PCDHA2: variants seen among roughly 807,000 people sequenced by gnomAD.
PCDHA2 encodes protocadherin alpha-2.
PCDHA2 carries 58 observed loss-of-function variants against 66.0 expected under a neutral mutation model. The ratio of observed to expected loss-of-function variants is 0.88; its 90% CI spans 0.71 to 1.09. The LOEUF is 1.09. Among genes scored for constraint, PCDHA2 ranks in the 50% least tolerant of loss-of-function variants. The pLI is 0.00. For synonymous variants in PCDHA2, 634 were observed against 554.0 expected, an observed-to-expected ratio of 1.14 and a Z score of -2.03; for missense variants, 1,267 against 1,242.3, an observed-to-expected ratio of 1.02 and a Z score of -0.30.
intron 1 of PCDHA2, among the ~76,000 whole-genome samples, chr5:140,905,327 TG>T (rs2071747762): frequency 6.6e-6 from 1 of 152,202 alleles, no homozygotes; most frequent in Non-Finnish European, 1.5e-5. Context: ...TATGCTTTGT[TG>T]AAGATCAGTT....
intron 1 of PCDHA2, among the ~76,000 whole-genome samples, chr5:140,920,232 A>C (rs1463016764): frequency 6.6e-6 from 1 of 152,232 alleles, no homozygotes; most frequent in African/African-American, 2.4e-5. Flanking sequence ...ATAGTATTAT[A>C]TACCCAACAA....
chr5:140,837,423 A>T (rs1278858635), intron 1 of PCDHA2, among the ~76,000 whole-genome samples: 3 of 151,962 alleles, frequency 2.0e-5, no homozygotes, highest in African/African-American at 7.3e-5. Flanking sequence ...TCAAAATTTC[A>T]AAGAGTGAAA....
intron 1 of PCDHA2, chr5:140,801,363 C>A: frequency 1.9e-6 from 3 of 1,613,452 alleles, no homozygotes; most frequent in Non-Finnish European, 2.5e-6. Flanking sequence ...GGGGCTGGAG[C>A]TGGCGGAGCT....
At chr5:140,823,941 C>A in intron 1 of PCDHA2, 1 of 1,613,924 alleles carries the variant, frequency 6.2e-7, no homozygotes, top group Non-Finnish European at 8.5e-7. Context: ...CGCTGCGGTG[C>A]TCGGCGCAGC....
chr5:140,996,678 G>T (rs922990686), intron 3 of PCDHA2, among the ~76,000 whole-genome samples: 28 of 152,162 alleles, frequency 1.8e-4, no homozygotes, highest in African/African-American at 6.7e-4. Context: ...AACCATGTTG[G>T]GCTAGTATTC....
intron 1 of PCDHA2, chr5:140,808,463 AC>A (rs782633052): frequency 1.2e-6 from 2 of 1,614,166 alleles, no homozygotes; most frequent in South Asian, 2.2e-5. Flanking sequence ...GCTGGTGGTG[AC>A]CGCGCGAGAC....
intron 1 of PCDHA2, chr5:140,829,202 C>T (rs2150163765): frequency 5.0e-6 from 8 of 1,614,106 alleles, no homozygotes; most frequent in Non-Finnish European, 3.4e-6. Context: ...TGTCATCGCC[C>T]TAATTAGCGT....
rs144041965 is a variant in PCDHA2, at chr5:140,808,651, G to A, written c.2388+11299G>A. 1.8e-5 allele frequency: 29 copies of A among 1,613,192 alleles called. 1 individual carries two copies. Among genetic ancestry groups the A allele is most frequent in the Middle Eastern group, 3.6e-4 (2 of 5,482 alleles). On this transcript the variant is annotated intron_variant, in intron 1 of 3. Coordinates refer to ENST00000526136, the MANE Select transcript of PCDHA2 (RefSeq NM_018905.3). ...GGGACGCGGACGCGCAGGAGAACGC[G>A]CTGGTGTCCTACTCGCTGGTAGAGC...
rs1320219732 is a variant in PCDHA2, at chr5:140,966,886, G to A, written c.2389-12063G>A. On this transcript the variant is annotated intron_variant, in intron 1 of 3. Coordinates refer to ENST00000526136, the MANE Select transcript of PCDHA2 (RefSeq NM_018905.3). Reference sequence around the variant, plus strand: ...TGCTGCTGCTGCTACCTGGCCCTGCGGCCTCCCAGCTGCGATACTCTGTGC... The same window carrying A: ...TGCTGCTGCTGCTACCTGGCCCTGCAGCCTCCCAGCTGCGATACTCTGTGC... The A allele has an allele frequency of 5.7e-6, 9 of 1,592,130 alleles. No individual in the cohort carries two copies. The Admixed American group carries it at 1.0e-4, about 18-fold the overall frequency.
intron 1 of PCDHA2, chr5:140,883,262 G>A (rs1211665444): frequency 6.2e-7 from 1 of 1,613,838 alleles, no homozygotes; most frequent in Non-Finnish European, 8.5e-7. Context: ...TCCAATGGCG[G>A]GTCATTGTAC....
At chr5:140,916,379 C>G (rs180755548) in intron 1 of PCDHA2, among the ~76,000 whole-genome samples, 2 of 152,302 alleles carry the variant, frequency 1.3e-5, no homozygotes, top group Admixed American at 6.5e-5. Context: ...GTAGCCACCA[C>G]AACTAGGAAT....
At chr5:141,006,993 T>A (rs1484865636) in intron 3 of PCDHA2, among the ~76,000 whole-genome samples, 5 of 152,290 alleles carry the variant, frequency 3.3e-5, no homozygotes, top group African/African-American at 4.8e-5. Flanking sequence ...GCTTAAAATA[T>A]AAGTCTGCAT....
At position 140,870,817 on chromosome 5, in the gene PCDHA2, G is replaced by C. The variant is rs782095168; in HGVS notation, c.2388+73465G>C. On this transcript the variant is annotated intron_variant, in intron 1 of 3. Coordinates refer to ENST00000526136, the MANE Select transcript of PCDHA2 (RefSeq NM_018905.3). ...ACTGCTGGCGACTCAGGCTGGCAGCGCGGGAGGCGCAGTTAACAAGCTAGT... is the reference window on the plus strand; with the variant it reads ...ACTGCTGGCGACTCAGGCTGGCAGCCCGGGAGGCGCAGTTAACAAGCTAGT... The C allele has an allele frequency of 9.9e-6, 16 of 1,613,726 alleles. No individual in the cohort carries two copies. In the South Asian group the frequency reaches 1.3e-4, roughly 13 times the overall value.
At chr5:140,906,253 A>C (rs1049653184) in intron 1 of PCDHA2, among the ~76,000 whole-genome samples, 5 of 152,064 alleles carry the variant, frequency 3.3e-5, no homozygotes, top group South Asian at 2.1e-4. Flanking sequence ...ACCCATACAC[A>C]CCTCCTGAAA....
intron 1 of PCDHA2, chr5:140,822,576 T>C (rs1047981826): frequency 1.2e-6 from 2 of 1,612,800 alleles, no homozygotes; most frequent in Non-Finnish European, 1.7e-6. Flanking sequence ...ACGCCTCAGA[T>C]GCAGATGAGG....
At chr5:140,937,332 C>A (rs1003482242) in intron 1 of PCDHA2, among the ~76,000 whole-genome samples, 1 of 152,094 alleles carries the variant, frequency 6.6e-6, no homozygotes, top group Non-Finnish European at 1.5e-5. Flanking sequence ...CCACCGCGCC[C>A]GGCTTCTTCC....
intron 1 of PCDHA2, chr5:140,828,671 C>T (rs150883390): frequency 1.2e-6 from 2 of 1,614,058 alleles, no homozygotes; most frequent in Non-Finnish European, 8.5e-7. Flanking sequence ...ACAAATTGGG[C>T]TCTTATTAAA....
chr5:140,802,383 A>G (rs1302053906), intron 1 of PCDHA2: 1 of 1,614,106 alleles, frequency 6.2e-7, no homozygotes, highest in South Asian at 1.1e-5. Flanking sequence ...CGTCCCCTTC[A>G]AGCTGGTGTC....
At chr5:140,817,415 G>T (rs2150098120) in intron 1 of PCDHA2, 1 of 152,208 alleles carries the variant, frequency 6.6e-6, no homozygotes, top group East Asian at 1.9e-4. Context: ...TGTTGAGTTG[G>T]TATACCTGTG....
Sources: gnomAD v4.1 joint callset for allele counts (sites outside exome capture counted in the v4.1 genomes callset) on GRCh38, gnomAD v4.1.1 for gene constraint, MANE v1.5 for transcripts, NCBI Gene and HGNC (gene_info 2026-07-23, HGNC 2026-07-21) for gene names.